The following MGST1 variants were observed in gnomAD, a reference collection of about 807,000 sequenced individuals.
MGST1 encodes the protein microsomal glutathione S-transferase 1.
A neutral mutation model predicts 8.9 loss-of-function variants in MGST1; 5 were observed. The ratio of observed to expected loss-of-function variants is 0.56; its 90% CI spans 0.29 to 1.19. The LOEUF is 1.19. Ranked by LOEUF, MGST1 falls within the 50% of genes most tolerant of loss-of-function variation. MGST1 has a pLI of 0.08. For synonymous variants in MGST1, 54 were observed against 67.8 expected, an observed-to-expected ratio of 0.80 and a Z score of 1.00; for missense variants, 182 against 187.4, an observed-to-expected ratio of 0.97 and a Z score of 0.17.
At chr12:16,580,204 G>T (rs112581235) in intron 4 of MGST1, among the ~76,000 whole-genome samples, 2 of 152,092 alleles carry the variant, frequency 1.3e-5, no homozygotes, top group Non-Finnish European at 2.9e-5. Flanking sequence ...GGGCTCAAGT[G>T]GTCCTCCCAC....
intron 1 of MGST1, among the ~76,000 whole-genome samples, chr12:16,408,276 AGACTTAGTACCTGGGT>A (rs1409373269): frequency 3.3e-5 from 5 of 152,132 alleles, no homozygotes; most frequent in Admixed American, 3.3e-4. Context: ...TTTGGGTATT[AGACTTAGTACCTGGGT>A]GACAAAATAA....
chr12:16,552,569 G>GTAGA (rs1218570349), intron 4 of MGST1, among the ~76,000 whole-genome samples: 2 of 152,028 alleles, frequency 1.3e-5, no homozygotes, highest in African/African-American at 4.8e-5. Flanking sequence ...TACTAGCTAA[G>GTAGA]TAGATAGAGA....
rs1369650492 is a variant in MGST1, at chr12:16,400,120, C to T, written n.778+16516C>T. The T allele has an allele frequency of 1.2e-5, 18 of 1,538,110 alleles. No homozygotes were observed. The East Asian group carries it at 2.9e-4, about 25-fold the overall frequency. On this transcript the variant is annotated intron_variant and non_coding_transcript_variant, in intron 1 of 1. Transcript: ENST00000359720. ...TGTTTTCAGTTTGTGCCTCATTTCT[C>T]GTTCCATCTGCTCAGCATAGAGGTC...
intron 4 of MGST1, among the ~76,000 whole-genome samples, chr12:16,531,248 A>G (rs1243488211): frequency 2.0e-5 from 3 of 151,898 alleles, no homozygotes; most frequent in Non-Finnish European, 2.9e-5. Context: ...CCTAATTTTC[A>G]AAACAAATTT....
intron 4 of MGST1, among the ~76,000 whole-genome samples, chr12:16,535,212 A>G (rs563196087): frequency 6.6e-6 from 1 of 152,288 alleles, no homozygotes; most frequent in Admixed American, 6.5e-5. Flanking sequence ...AGCTTTACCA[A>G]TTGCTCACCC....
chr12:16,473,479 A>G (rs1941301062), intron 4 of MGST1, among the ~76,000 whole-genome samples: 1 of 152,252 alleles, frequency 6.6e-6, no homozygotes, highest in Non-Finnish European at 1.5e-5. Flanking sequence ...TATGAATTAA[A>G]TTAAGCATAA....
chr12:16,565,980 T>C (rs1490135184), intron 4 of MGST1, among the ~76,000 whole-genome samples: 1 of 73,148 alleles, frequency 1.4e-5, no homozygotes, highest in Non-Finnish European at 2.5e-5. Context: ...GAAGAAAATG[T>C]GCCATATATA....
chr12:16,479,173 T>TA (rs1941346616), intron 4 of MGST1, among the ~76,000 whole-genome samples: 1 of 151,898 alleles, frequency 6.6e-6, no homozygotes, highest in Admixed American at 6.6e-5. Context: ...CATCCCTTTT[T>TA]ATGCTTGATA....
chr12:16,434,278 C>G (rs558691942), intron 1 of MGST1, among the ~76,000 whole-genome samples: 1 of 152,148 alleles, frequency 6.6e-6, no homozygotes, highest in Admixed American at 6.6e-5. Context: ...GAAAGAAATG[C>G]ATTTCATGAA....
At chr12:16,366,142 G>A (rs1940184272), downstream of MGST1, among the ~76,000 whole-genome samples, 1 of 152,122 alleles carries the variant, frequency 6.6e-6, no homozygotes, top group Admixed American at 6.5e-5. This position sits in a 1 kb window ranked among gnomAD's most constrained non-coding sequence, Gnocchi z 4.0. Flanking sequence ...ATTATTAGGG[G>A]AAAAGGACGT....
chr12:16,541,184 A>G (rs971472111), intron 4 of MGST1, among the ~76,000 whole-genome samples: 2 of 152,216 alleles, frequency 1.3e-5, no homozygotes, highest in Non-Finnish European at 2.9e-5. Flanking sequence ...TATCAAATTA[A>G]ATAACTTTTT....
chr12:16,566,801 T>C (rs1281895706), intron 4 of MGST1, among the ~76,000 whole-genome samples: 2 of 152,160 alleles, frequency 1.3e-5, no homozygotes, highest in East Asian at 1.9e-4. Flanking sequence ...ATATTCATTC[T>C]CTCTCCAAAC....
chr12:16,427,907 T>G (rs1940904037), intron 1 of MGST1, among the ~76,000 whole-genome samples: 1 of 152,130 alleles, frequency 6.6e-6, no homozygotes, highest in Admixed American at 6.5e-5. Context: ...TTTAATTTAT[T>G]ACTTCTTTTT....
rs1943354653 is a variant in MGST1 at position 16,587,422 on chromosome 12, A to AT, written n.483-2102dup. Among the ~76,000 whole-genome samples, 1 of 152,124 alleles carries AT rather than the reference A, an allele frequency of 6.6e-6. No homozygotes were observed. The highest frequency in any genetic ancestry group is 2.4e-5 in the African/African-American group (1 of 41,426). On this transcript the variant is annotated intron_variant and non_coding_transcript_variant, in intron 4 of 4. Transcript: ENST00000538857. The surrounding 1 kb of genome is among the most constrained non-coding windows in gnomAD (Gnocchi z 4.3). ...TCTTATTGAACTGTTGCTTTCATTAATTTTCTACAGACTAGAGAGCAAGGA... is the reference window on the plus strand; with the variant it reads ...TCTTATTGAACTGTTGCTTTCATTAATTTTTCTACAGACTAGAGAGCAAGGA...
At chr12:16,514,270 G>A (rs952702280) in intron 4 of MGST1, 3 of 280,558 alleles carry the variant, frequency 1.1e-5, no homozygotes, top group Admixed American at 4.9e-5. Flanking sequence ...TTGCAAAGAC[G>A]CAGATGAAGC....
chr12:16,522,356 G>A (rs1051297173), intron 4 of MGST1, among the ~76,000 whole-genome samples: 5 of 152,022 alleles, frequency 3.3e-5, no homozygotes, highest in Non-Finnish European at 7.4e-5. Flanking sequence ...TGTGAATTTT[G>A]CATTCCCCTC....
intron 4 of MGST1, among the ~76,000 whole-genome samples, chr12:16,485,418 G>C (rs1021767264): frequency 6.6e-6 from 1 of 152,104 alleles, no homozygotes; most frequent in South Asian, 2.1e-4. Context: ...GAACTCACCC[G>C]TTACACATGG....
intron 4 of MGST1, among the ~76,000 whole-genome samples, chr12:16,561,891 CAT>C (rs1364680129): frequency 6.6e-6 from 1 of 152,174 alleles, no homozygotes; most frequent in Admixed American, 6.5e-5. Context: ...ACTTTGCTAA[CAT>C]AGTCTGTGCA....
intron 4 of MGST1, among the ~76,000 whole-genome samples, chr12:16,521,777 C>T (rs10492188): frequency 0.23 from 34,352 of 151,928 alleles, 5,056 homozygotes; most frequent in Non-Finnish European, 0.32. Context: ...GAGATTAGCA[C>T]TCCAAAGAAA....
Sources: gnomAD v4.1 joint callset for allele counts (sites outside exome capture counted in the v4.1 genomes callset) on GRCh38, gnomAD v4.1.1 for gene constraint, Gnocchi (gnomAD v3.1) non-coding constraint, MANE v1.5 for transcripts, NCBI Gene and HGNC (gene_info 2026-07-23, HGNC 2026-07-21) for gene names.